The following AGR2 variants were observed in gnomAD, a reference collection of about 807,000 sequenced individuals.
AGR2 encodes the protein anterior gradient protein 2 homolog.
Under a neutral mutation model 25.9 loss-of-function variants are expected in AGR2, and 27 were observed. That is an observed-to-expected ratio of 1.04 (90% confidence interval 0.77 to 1.44). AGR2 has a LOEUF of 1.44. Ranked by LOEUF, AGR2 falls within the 40% of genes most tolerant of loss-of-function variation. The probability of loss-of-function intolerance (pLI) is 0.00; values close to 1 mark genes in which losing one functional copy is unlikely to be tolerated. For missense variants in AGR2, 182 were observed against 200.9 expected (o/e 0.91, Z 0.57); for synonymous variants, 78 against 72.0 (o/e 1.08, Z -0.42).
chr7:16,797,379 CAGA>C (rs1785065036), intron 6 of AGR2, among the ~76,000 whole-genome samples: 1 of 152,134 alleles, frequency 6.6e-6, no homozygotes, highest in African/African-American at 2.4e-5. Flanking sequence ...GCTTTGTTCT[CAGA>C]AGTATTATAG....
intron 7 of AGR2, among the ~76,000 whole-genome samples, chr7:16,794,388 G>C (rs901796363): frequency 6.6e-6 from 1 of 152,158 alleles, no homozygotes; most frequent in African/African-American, 2.4e-5. Flanking sequence ...GCTAGCTACA[G>C]CGTTGCATTG....
rs2115359560 is a variant in AGR2 at position 16,801,359 on chromosome 7, G to A, written c.164C>T (p.Thr55Ile). 1 of 1,613,692 alleles carries A rather than the reference G, an allele frequency of 6.2e-7. No individual in the cohort carries two copies. Among genetic ancestry groups the A allele is most frequent in the East Asian group, 2.2e-5 (1 of 44,856 alleles). ...SRGWGDQLIW[T>I]QTYEEALYKS... ...ATATAGAGCTTCTTCATATGTCTGA[G>A]TCCAGATGAGTTGGTCACCCCAACC... The change falls in exon 3 of 8, where the codon ACT becomes ATT. Residue 55 changes from threonine (T) to isoleucine (I), a missense_variant. Transcript: ENST00000419304.
intron 6 of AGR2, 54 bp downstream of exon 6, chr7:16,797,576 AG>A: frequency 1.3e-6 from 2 of 1,512,996 alleles, no homozygotes; most frequent in Non-Finnish European, 1.8e-6. Flanking sequence ...GGAGAGAAGG[AG>A]GATGGCAGCA....
At chr7:16,799,632 T>A (rs1785108399) in intron 5 of AGR2, 112 bp downstream of exon 5, 1 of 653,996 alleles carries the variant, frequency 1.5e-6, no homozygotes, top group Non-Finnish European at 2.6e-6. Context: ...ATGGGATATT[T>A]GGAAGCAATC....
At chr7:16,795,878 T>A (rs1198311423) in intron 6 of AGR2, among the ~76,000 whole-genome samples, 1 of 152,216 alleles carries the variant, frequency 6.6e-6, no homozygotes. Flanking sequence ...AATGTTGGAC[T>A]AAGGCCAGAC....
At chr7:16,804,615 T>C (rs1383638462) in intron 1 of AGR2, among the ~76,000 whole-genome samples, 2 of 152,192 alleles carry the variant, frequency 1.3e-5, no homozygotes, top group Non-Finnish European at 2.9e-5. Context: ...CTTTAGATGG[T>C]GACTGAGACG....
chr7:16,796,801 T>C (rs572249508), intron 6 of AGR2, among the ~76,000 whole-genome samples: 2 of 152,094 alleles, frequency 1.3e-5, no homozygotes, highest in African/African-American at 4.8e-5. Context: ...CAATGAATAA[T>C]GATGATTGGG....
intron 7 of AGR2, chr7:16,794,731 C>T (rs1478301415): frequency 9.1e-6 from 12 of 1,317,626 alleles, no homozygotes; most frequent in Non-Finnish European, 1.1e-5. Context: ...AATAATTCAT[C>T]TTCAATTGAG....
In AGR2 at chr7:16,797,802, A is replaced by G. The variant is rs193052704; in HGVS notation, c.331-108T>C. ...TTCCGGCCAGGCATCTCAAGATATC[A>G]TAACTCTTCCACACAGAGTTTATTG... On this transcript the variant is annotated intron_variant, in intron 5 of 7. Coordinates refer to ENST00000419304, the MANE Select transcript of AGR2 (RefSeq NM_006408.4). 5.6e-3 allele frequency: 4,469 copies of G among 799,444 alleles called. 35 individuals are homozygous for G. Among genetic ancestry groups the G allele is most frequent in the South Asian group, 9.0e-3 (531 of 59,326 alleles). 49.5% of individuals were successfully genotyped at this position (799,444 alleles called of 1,614,324 possible). A position where few individuals can be genotyped will look rare whatever the true frequency, so the allele number is the denominator to read the frequency against.
Position 16,801,142 on chromosome 7 carries a change from A to G in AGR2, c.256+9T>C, listed in dbSNP as rs761015821. ...TATAAAGGAAATCATACTTAGAAGA[A>G]TAAATTACCTTGACTGTGTGGGCAC... On this transcript the variant is annotated intron_variant, in intron 4 of 7. Coordinates refer to ENST00000419304, the MANE Select transcript of AGR2 (RefSeq NM_006408.4). 10 of 1,611,930 alleles carry G rather than the reference A, an allele frequency of 6.2e-6. 1 individual carries two copies. In the Middle Eastern group the frequency reaches 1.2e-3, roughly 187 times the overall value.
chr7:16,803,514 A>G (rs1430229241), intron 1 of AGR2, among the ~76,000 whole-genome samples: 2 of 151,778 alleles, frequency 1.3e-5, no homozygotes, highest in Non-Finnish European at 2.9e-5. Context: ...GCATTAGCTG[A>G]TTTTTTTTTA....
chr7:16,803,423 C>G (rs530104437), intron 1 of AGR2, among the ~76,000 whole-genome samples: 9 of 152,248 alleles, frequency 5.9e-5, no homozygotes, highest in African/African-American at 1.9e-4. Flanking sequence ...TGAATGAAGT[C>G]AAATAAACTC....
chr7:16,792,151 A>G lies in AGR2; in HGVS notation c.*757T>C, dbSNP rs1198924978. Reference sequence around the variant, plus strand: ...ATGTTGGCTGAATTTATTTCACTCCAGTACTTTAGGACCTTGACAGACAAA... The same window carrying G: ...ATGTTGGCTGAATTTATTTCACTCCGGTACTTTAGGACCTTGACAGACAAA... On this transcript the variant is annotated 3_prime_UTR_variant, in exon 8 of 8. Coordinates refer to ENST00000419304, the MANE Select transcript of AGR2 (RefSeq NM_006408.4). 7.9e-5 allele frequency: 12 copies of G among 152,194 alleles called. No individual in the cohort carries two copies. The highest frequency in any genetic ancestry group is 1.2e-4 in the Non-Finnish European group (8 of 68,066). The allele number at this position is 152,194 out of a possible 1,614,324, so 9.4% of individuals were successfully genotyped here. A position where few individuals can be genotyped will look rare whatever the true frequency, so the allele number is the denominator to read the frequency against.
chr7:16,799,643 C>T (rs549949904), intron 5 of AGR2, 101 bp downstream of exon 5: 89 of 708,748 alleles, frequency 1.3e-4, no homozygotes, highest in Non-Finnish European at 1.9e-4. Flanking sequence ...GGAAGCAATC[C>T]CAGTTAATGC....
chr7:16,797,660 C>A lies in AGR2; in HGVS notation c.365G>T (p.Gly122Val). The change falls in exon 6 of 8, where the codon GGC becomes GTC. Residue 122 changes from glycine (G) to valine (V), a missense_variant. Coordinates refer to ENST00000419304, the MANE Select transcript of AGR2 (RefSeq NM_006408.4). Reference protein sequence around the residue: ...ETTDKHLSPDGQYVPRIMFVD... With the variant: ...ETTDKHLSPDVQYVPRIMFVD... ...AAACATAATCCTGGGGACATACTGG[C>A]CATCAGGAGAAAGGTGTTTGTCAGT... The A allele has an allele frequency of 6.2e-7, 1 of 1,613,814 alleles. No homozygotes were observed. The highest frequency in any genetic ancestry group is 8.5e-7 in the Non-Finnish European group (1 of 1,179,882).
chr7:16,800,725 G>C lies in AGR2; in HGVS notation c.256+426C>G, dbSNP rs377034224. Among the ~76,000 whole-genome samples the C allele has an allele frequency of 3.3e-5, 5 of 152,156 alleles. No homozygotes were observed. The East Asian group carries it at 9.6e-4, about 29-fold the overall frequency. The stretch of plus-strand genomic sequence containing the variant: ...ATTTGGGCCCAGTGCAAAATGAAAG[G>C]GTAGAGCCCCTTGTTGAAGAATTAC... On this transcript the variant is annotated intron_variant, in intron 4 of 7. Coordinates refer to ENST00000419304, the MANE Select transcript of AGR2 (RefSeq NM_006408.4).
chr7:16,799,318 G>A (rs529912948), intron 5 of AGR2, among the ~76,000 whole-genome samples: 2 of 152,216 alleles, frequency 1.3e-5, no homozygotes, highest in South Asian at 4.2e-4. Flanking sequence ...CACCGTGAGG[G>A]GTGGTAGTGG....
intron 4 of AGR2, among the ~76,000 whole-genome samples, chr7:16,800,562 A>G (rs1583808991): frequency 6.6e-6 from 1 of 152,226 alleles, no homozygotes; most frequent in Non-Finnish European, 1.5e-5. Context: ...AATCTGATTT[A>G]TGTCTACCAG....
chr7:16,800,522 TAAG>T (rs1340364274), intron 4 of AGR2, among the ~76,000 whole-genome samples: 5 of 152,232 alleles, frequency 3.3e-5, no homozygotes, highest in South Asian at 2.1e-4. Context: ...AGTTCTGTGA[TAAG>T]AAGCCACTTG....
Sources: allele counts gnomAD v4.1 joint callset (sites outside exome capture counted in the v4.1 genomes callset), GRCh38; gene constraint gnomAD v4.1.1; transcripts MANE v1.5; gene names NCBI Gene and HGNC (gene_info 2026-07-23, HGNC 2026-07-21).